The following RNF220 variants were observed in gnomAD, a reference collection of about 807,000 sequenced individuals.
RNF220 encodes the protein E3 ubiquitin-protein ligase RNF220.
A neutral mutation model predicts 67.1 loss-of-function variants in RNF220; 7 were observed. That is an observed-to-expected ratio of 0.10 (90% confidence interval 0.06 to 0.20). The LOEUF (loss-of-function observed/expected upper bound fraction) is 0.20, where lower values mean the gene tolerates loss of function less well. Ranked by LOEUF, RNF220 falls within the 10% of genes least tolerant of loss-of-function variation. The pLI is 1.00. For synonymous variants in RNF220, 270 were observed against 283.2 expected (o/e 0.95, Z 0.47); for missense variants, 565 against 740.3 (o/e 0.76, Z 2.75).
chr1:44,475,934 C>T (rs894300545), intron 2 of RNF220, among the ~76,000 whole-genome samples: 1 of 151,062 alleles, frequency 6.6e-6, no homozygotes, highest in African/African-American at 2.5e-5. Context: ...ATCAGTTGAA[C>T]CTGGGAGGCA....
chr1:44,623,032 C>T, intron 4 of RNF220, among the ~76,000 whole-genome samples: 1 of 152,064 alleles, frequency 6.6e-6, no homozygotes, highest in African/African-American at 2.4e-5. Context: ...CTCTTCCAGC[C>T]AGGAGAGGGG....
intron 2 of RNF220, among the ~76,000 whole-genome samples, chr1:44,435,577 C>G (rs1650882320): frequency 6.6e-6 from 1 of 152,164 alleles, no homozygotes; most frequent in South Asian, 2.1e-4. Flanking sequence ...ACAGTTGAAA[C>G]TCTGTCTCCT....
chr1:44,419,329 C>G (rs1254765893), intron 2 of RNF220: 2 of 152,090 alleles, frequency 1.3e-5, no homozygotes, highest in Non-Finnish European at 2.9e-5. Flanking sequence ...GCGAAAGAAC[C>G]TTCTTACACC....
intron 2 of RNF220, among the ~76,000 whole-genome samples, chr1:44,594,433 G>T (rs372039469): frequency 4.4e-4 from 67 of 152,356 alleles, no homozygotes; most frequent in African/African-American, 1.5e-3. Flanking sequence ...ACGGGGTAAG[G>T]CAGAGACAGA....
chr1:44,632,001 T>C (rs1644148049), intron 5 of RNF220: 2 of 1,017,108 alleles, frequency 2.0e-6, no homozygotes, highest in Non-Finnish European at 2.4e-6. Flanking sequence ...CGCTTGGAGC[T>C]GAAGTGCCGC....
chr1:44,520,569 C>T (rs931088801), intron 2 of RNF220, among the ~76,000 whole-genome samples: 1 of 152,168 alleles, frequency 6.6e-6, no homozygotes, highest in Non-Finnish European at 1.5e-5. Flanking sequence ...ACACATTTTG[C>T]CTCCTCTGCT....
chr1:44,611,643 T>A (rs978820282), intron 2 of RNF220, among the ~76,000 whole-genome samples: 5 of 152,198 alleles, frequency 3.3e-5, no homozygotes, highest in Non-Finnish European at 7.3e-5. Context: ...CCAACCTTGC[T>A]GGCCCCTTCC....
At chr1:44,601,977 C>G (rs952368750) in intron 2 of RNF220, among the ~76,000 whole-genome samples, 1 of 152,002 alleles carries the variant, frequency 6.6e-6, no homozygotes, top group South Asian at 2.1e-4. Flanking sequence ...TGAAGGTGCA[C>G]AAGGGACCCA....
At chr1:44,540,704 TG>T (rs760343570) in intron 2 of RNF220, among the ~76,000 whole-genome samples, 6 of 152,136 alleles carry the variant, frequency 3.9e-5, no homozygotes, top group Admixed American at 1.3e-4. Context: ...TTTATTGTCC[TG>T]GGTGAACCAA....
intron 2 of RNF220, among the ~76,000 whole-genome samples, chr1:44,552,696 G>A (rs1376025379): frequency 1.4e-5 from 2 of 144,926 alleles, no homozygotes; most frequent in African/African-American, 5.1e-5. Context: ...TCAGCCTCCC[G>A]AGTAGCTGGG....
At chr1:44,613,733 CAA>C (rs2148427868) in intron 2 of RNF220, among the ~76,000 whole-genome samples, 1 of 152,230 alleles carries the variant, frequency 6.6e-6, no homozygotes, top group African/African-American at 2.4e-5. Context: ...AAAAATTAGC[CAA>C]GTGTGGTGGC....
intron 2 of RNF220, among the ~76,000 whole-genome samples, chr1:44,415,682 C>T (rs1426223588): frequency 2.1e-5 from 3 of 143,126 alleles, no homozygotes; most frequent in Non-Finnish European, 4.5e-5. Context: ...AAGCATTTAG[C>T]TTTAGAGTTT....
chr1:44,536,002 C>T (rs1018002069), intron 2 of RNF220, among the ~76,000 whole-genome samples: 3 of 152,190 alleles, frequency 2.0e-5, no homozygotes, highest in African/African-American at 7.2e-5. Flanking sequence ...AACCTCATCC[C>T]AACTCGCTAT....
In RNF220 at chr1:44,649,895, A is replaced by C; in HGVS notation, c.1567A>C (p.Met523Leu). Residue 523 changes from methionine (M) to leucine (L), a missense_variant, in exon 14 of 15, where the codon ATG becomes CTG. Physicochemically the swap from Met to Leu is conservative, Grantham distance 15. Transcript: ENST00000361799. The surrounding 1 kb of genome is among the most constrained non-coding windows in gnomAD (Gnocchi z 5.9). ...KCLICMDSYSMPLTSIQCWHV... is the reference protein window; with the variant it reads ...KCLICMDSYSLPLTSIQCWHV... ...CCCTCCTCCCTAGGACTCGTACTCG[A>C]TGCCCCTAACGTCCATCCAGTGTTG... 1 of 1,613,976 alleles carries C rather than the reference A, an allele frequency of 6.2e-7. No homozygotes were observed. Among genetic ancestry groups the C allele is most frequent in the Middle Eastern group, 1.6e-4 (1 of 6,062 alleles).
chr1:44,462,804 A>G (rs1159939350), intron 2 of RNF220, among the ~76,000 whole-genome samples: 8 of 151,702 alleles, frequency 5.3e-5, no homozygotes, highest in Non-Finnish European at 1.2e-4. Flanking sequence ...CGAGGTGGGC[A>G]GATCACAAGG....
intron 2 of RNF220, among the ~76,000 whole-genome samples, chr1:44,548,772 G>C (rs1052446860): frequency 7.2e-5 from 11 of 152,154 alleles, no homozygotes; most frequent in African/African-American, 2.4e-4. Flanking sequence ...GATTACAGGC[G>C]TGAGCCACTG....
chr1:44,553,604 C>T (rs1486204364), intron 2 of RNF220, among the ~76,000 whole-genome samples: 2 of 152,124 alleles, frequency 1.3e-5, no homozygotes, highest in Admixed American at 6.5e-5. Flanking sequence ...TACACTCTGC[C>T]CATCAACAGG....
rs1644756483 is a variant in RNF220, at chr1:44,650,270, C to A, written c.1629+313C>A. The A allele has an allele frequency of 1.5e-5, 8 of 522,204 alleles. No homozygotes were observed. In the South Asian group the frequency reaches 1.9e-4, roughly 12 times the overall value. 32.3% of individuals were successfully genotyped at this position (522,204 alleles called of 1,614,324 possible). On this transcript the variant is annotated intron_variant, in intron 14 of 14. Transcript: ENST00000361799. The surrounding 1 kb of genome is among the most constrained non-coding windows in gnomAD (Gnocchi z 4.3). ...CAGGAGGAGGCTGGCTGTAGGTAAA[C>A]AGGACCAGGGCCTTGGCCCCTCCCC...
intron 2 of RNF220, among the ~76,000 whole-genome samples, chr1:44,520,338 C>T (rs1334206399): frequency 5.3e-5 from 8 of 151,798 alleles, no homozygotes; most frequent in Admixed American, 3.3e-4. Context: ...TGGTGGCGGG[C>T]GCCTGTAGTC....
Sources: allele counts gnomAD v4.1 joint callset (sites outside exome capture counted in the v4.1 genomes callset), GRCh38; gene constraint gnomAD v4.1.1; non-coding constraint Gnocchi (gnomAD v3.1); transcripts MANE v1.5; gene names NCBI Gene and HGNC (gene_info 2026-07-23, HGNC 2026-07-21).